Variants in KLHL12 observed in about 807,000 individuals in gnomAD.
KLHL12 encodes kelch like family member 12.
Under a neutral mutation model 60.8 loss-of-function variants are expected in KLHL12, and 17 were observed. The observed-to-expected ratio is 0.28, with a 90% CI of 0.19 to 0.42. KLHL12 has a LOEUF of 0.42. Ranked by LOEUF, KLHL12 falls within the 10% of genes least tolerant of loss-of-function variation. KLHL12 has a pLI of 1.00. For missense variants in KLHL12, 468 were observed against 722.3 expected, an observed-to-expected ratio of 0.65 and a Z score of 4.04; for synonymous variants, 220 against 250.9, an observed-to-expected ratio of 0.88 and a Z score of 1.16.
chr1:202,915,440 GA>G (rs1251033637), intron 4 of KLHL12, among the ~76,000 whole-genome samples: 2 of 151,896 alleles, frequency 1.3e-5, no homozygotes, highest in African/African-American at 2.4e-5. Context: ...TTTCTTTCCA[GA>G]AAAAAAGCAA....
At chr1:202,913,155 T>C (rs1246883993) in intron 4 of KLHL12, among the ~76,000 whole-genome samples, 1 of 152,136 alleles carries the variant, frequency 6.6e-6, no homozygotes, top group Admixed American at 6.5e-5. Context: ...TATATTTAAT[T>C]AATCATCTGG....
chr1:202,927,230 G>A lies in KLHL12; in HGVS notation c.-187C>T, dbSNP rs887793523. 1.4e-4 allele frequency: 138 copies of A among 985,096 alleles called. No individual in the cohort carries two copies. The highest frequency in any genetic ancestry group is 1.6e-4 in the Non-Finnish European group (135 of 829,916). 61.0% of individuals were successfully genotyped at this position (985,096 alleles called of 1,614,324 possible). ...GCTCTGGAGGCTCTGGAGCCGTCCGGGTCTGGCCCCTGCGGCCGCGCGACG... is the reference window on the plus strand; with the variant it reads ...GCTCTGGAGGCTCTGGAGCCGTCCGAGTCTGGCCCCTGCGGCCGCGCGACG... On this transcript the variant is annotated 5_prime_UTR_variant, in exon 1 of 12. Coordinates refer to ENST00000367261, the MANE Select transcript of KLHL12 (RefSeq NM_021633.4).
At chr1:202,898,563 G>A (rs1659910807) in intron 6 of KLHL12, among the ~76,000 whole-genome samples, 1 of 152,120 alleles carries the variant, frequency 6.6e-6, no homozygotes. Context: ...AAAAAACTGA[G>A]CCTGACTCTT....
rs1378403388 is a variant in KLHL12 at position 202,925,273 on chromosome 1, A to C, written c.-45-66T>G. 4.0e-6 allele frequency: 6 copies of C among 1,498,052 alleles called. No homozygotes were observed. In the African/African-American group the frequency reaches 7.0e-5, roughly 17 times the overall value. The allele number at this position is 1,498,052 out of a possible 1,614,324, so 92.8% of individuals were successfully genotyped here. ...CTAGGGCAACTGAACATATTTAATT[A>C]GCTTTACAAATTAAGAACCTAAGAG... On this transcript the variant is annotated intron_variant, in intron 1 of 11. Transcript: ENST00000367261.
At chr1:202,897,422 T>C (rs1038089359) in intron 6 of KLHL12, among the ~76,000 whole-genome samples, 10 of 151,408 alleles carry the variant, frequency 6.6e-5, no homozygotes, top group African/African-American at 2.4e-4. Flanking sequence ...TTAGTAGAGA[T>C]GGGGTTGGTC....
chr1:202,928,328 T>C (rs1450242935), upstream of KLHL12, among the ~76,000 whole-genome samples: 1 of 148,930 alleles, frequency 6.7e-6, no homozygotes, highest in Non-Finnish European at 1.5e-5. Context: ...AAAGGCTGGA[T>C]GTTGTGGGGT....
intron 4 of KLHL12, among the ~76,000 whole-genome samples, chr1:202,915,730 C>T (rs1660503876): frequency 6.6e-6 from 1 of 152,196 alleles, no homozygotes; most frequent in Non-Finnish European, 1.5e-5. Flanking sequence ...CTACCACTTA[C>T]TAGTGGTGGT....
Position 202,911,033 on chromosome 1 carries a change from TGA to T in KLHL12, c.717+19_717+20del, listed in dbSNP as rs776493002. ...AAGAGTCCGTCAAGGTTTTGGATCCTGAGAGTGTTGCACTACTTACCTCAGCA... is the reference window on the plus strand; with the variant it reads ...AAGAGTCCGTCAAGGTTTTGGATCCTGAGTGTTGCACTACTTACCTCAGCA... On this transcript the variant is annotated intron_variant, in intron 5 of 11. Transcript: ENST00000367261. 5 of 1,612,466 alleles carry T rather than the reference TGA, an allele frequency of 3.1e-6. No individual in the cohort carries two copies. Among genetic ancestry groups the T allele is most frequent in the Non-Finnish European group, 4.2e-6 (5 of 1,178,838 alleles).
intron 6 of KLHL12, among the ~76,000 whole-genome samples, chr1:202,907,850 G>A (rs1188740897): frequency 6.6e-6 from 1 of 152,008 alleles, no homozygotes; most frequent in Non-Finnish European, 1.5e-5. Context: ...TAAGGCTGCA[G>A]TGAACCGAGA....
rs1239499801 is a variant in KLHL12 at position 202,895,664 on chromosome 1, G to T, written c.993C>A (p.Ile331=). The T allele has an allele frequency of 6.2e-7, 1 of 1,614,192 alleles. No homozygotes were observed. Among genetic ancestry groups the T allele is most frequent in the African/African-American group, 1.3e-5 (1 of 75,054 alleles). Residue 331 remains isoleucine, a synonymous_variant, in exon 8 of 12, where the codon ATC becomes ATA. Coordinates refer to ENST00000367261, the MANE Select transcript of KLHL12 (RefSeq NM_021633.4). This position sits in a 1 kb window ranked among gnomAD's most constrained non-coding sequence, Gnocchi z 4.2. ...GGCCATCATAGCCACCAATGACGTAGATCCGGTCATGAAGGGACACTGAGG... is the reference window on the plus strand; with the variant it reads ...GGCCATCATAGCCACCAATGACGTATATCCGGTCATGAAGGGACACTGAGG... ...YVASVSLHDR[I]YVIGGYDGRS...
intron 7 of KLHL12, among the ~76,000 whole-genome samples, chr1:202,896,252 T>C (rs1049040567): frequency 6.6e-6 from 1 of 152,112 alleles, no homozygotes; most frequent in Non-Finnish European, 1.5e-5. Flanking sequence ...AGTGGCACAA[T>C]CACAGTTCAC....
chr1:202,912,653 C>A, intron 4 of KLHL12: 1 of 1,306,484 alleles, frequency 7.7e-7, no homozygotes, highest in Non-Finnish European at 1.1e-6. Context: ...GAGGCCAATA[C>A]TCTGCCAAAC....
chr1:202,892,409 G>C lies in KLHL12; in HGVS notation c.*124C>G, dbSNP rs1161138211. ...GTGTCAAATAAGTACAATCATCACT[G>C]CACTGGTGCCTGTAATCACCCGGTG... On this transcript the variant is annotated 3_prime_UTR_variant, in exon 12 of 12. Transcript: ENST00000367261. 8.4e-6 allele frequency: 9 copies of C among 1,072,230 alleles called. No individual in the cohort carries two copies. Among genetic ancestry groups the C allele is most frequent in the Non-Finnish European group, 1.2e-5 (9 of 726,826 alleles). 66.4% of individuals were successfully genotyped at this position (1,072,230 alleles called of 1,614,324 possible).
chr1:202,911,739 A>T (rs995355673), intron 4 of KLHL12: 1 of 631,872 alleles, frequency 1.6e-6, no homozygotes, highest in African/African-American at 1.8e-5. Flanking sequence ...GCAGTTTTCA[A>T]AAGCATTATC....
chr1:202,919,583 T>C (rs1660623270), intron 3 of KLHL12, among the ~76,000 whole-genome samples, 172 bp downstream of exon 3: 1 of 152,184 alleles, frequency 6.6e-6, no homozygotes, highest in South Asian at 2.1e-4. Flanking sequence ...AGTTCCTTTA[T>C]AGTGCTATTG....
chr1:202,899,611 A>C (rs1659943086), intron 6 of KLHL12, among the ~76,000 whole-genome samples: 1 of 151,626 alleles, frequency 6.6e-6, no homozygotes, highest in Non-Finnish European at 1.5e-5. Flanking sequence ...AAATTGTCTG[A>C]GGTCAGGAAT....
chr1:202,901,703 C>T (rs930968726), intron 6 of KLHL12, among the ~76,000 whole-genome samples: 1 of 152,110 alleles, frequency 6.6e-6, no homozygotes, highest in African/African-American at 2.4e-5. Context: ...CCGACAGATC[C>T]TGTGTTTTGA....
rs753698311 is a variant in KLHL12, at chr1:202,925,018, T to G, written c.145A>C (p.Ile49Leu). Residue 49 changes from isoleucine (I) to leucine (L), a missense_variant, in exon 2 of 12, where the codon ATT (isoleucine) becomes CTT (leucine). This residue lies in a region of KLHL12 where 61 missense variants were observed against 59.9 expected (regional missense o/e 1.02). Coordinates refer to ENST00000367261, the MANE Select transcript of KLHL12 (RefSeq NM_021633.4). Reference sequence around the variant, plus strand: ...TAATCACTACAGGCAGCCAGCACAATCCGATGGGCAGGGAAGTCTTTCTGC... The same window carrying G: ...TAATCACTACAGGCAGCCAGCACAAGCCGATGGGCAGGGAAGTCTTTCTGC... Reference protein sequence around the residue: ...VEQKDFPAHRIVLAACSDYFC... With the variant: ...VEQKDFPAHRLVLAACSDYFC... 1 of 1,614,156 alleles carries G rather than the reference T, an allele frequency of 6.2e-7. No homozygotes were observed. Among genetic ancestry groups the G allele is most frequent in the Non-Finnish European group, 8.5e-7 (1 of 1,180,024 alleles).
At chr1:202,894,096 A>C (rs1239821091) in intron 10 of KLHL12, 88 bp downstream of exon 10, 5 of 703,244 alleles carry the variant, frequency 7.1e-6, no homozygotes, top group Non-Finnish European at 9.8e-6. Context: ...TTTTTACATT[A>C]ATCTACGGTT....
Sources: allele counts gnomAD v4.1 joint callset (sites outside exome capture counted in the v4.1 genomes callset), GRCh38; gene constraint gnomAD v4.1.1; regional missense constraint gnomAD v4.1.1; non-coding constraint Gnocchi (gnomAD v3.1); transcripts MANE v1.5; gene names NCBI Gene and HGNC (gene_info 2026-07-23, HGNC 2026-07-21).